Variants in MAP3K3 observed in about 807,000 individuals in gnomAD.
MAP3K3 encodes MAP/ERK kinase kinase 3.
In MAP3K3, 12 loss-of-function variants were observed where a neutral mutation model predicts 80.9. The observed-to-expected ratio is 0.15, with a 90% confidence interval of 0.10 to 0.24. The LOEUF (loss-of-function observed/expected upper bound fraction) is 0.24, where lower values mean the gene tolerates loss of function less well. Among genes scored for constraint, MAP3K3 ranks in the 10% least tolerant of loss-of-function variants. The probability of loss-of-function intolerance (pLI) is 1.00; values close to 1 mark genes in which losing one functional copy is unlikely to be tolerated. For missense variants in MAP3K3, 596 were observed against 834.7 expected, an observed-to-expected ratio of 0.71 and a Z score of 3.52; for synonymous variants, 272 against 307.1, an observed-to-expected ratio of 0.89 and a Z score of 1.19.
At chr17:63,633,915 G>C (rs1276217185) in intron 2 of MAP3K3, among the ~76,000 whole-genome samples, 1 of 152,182 alleles carries the variant, frequency 6.6e-6, no homozygotes, top group African/African-American at 2.4e-5. Flanking sequence ...CCTAGAGATA[G>C]TATAAGGCCC....
chr17:63,685,394 G>A (rs2035427397), intron 7 of MAP3K3, 123 bp from the exon 8 acceptor site: 3 of 766,994 alleles, frequency 3.9e-6, no homozygotes, highest in Non-Finnish European at 7.1e-6. Context: ...ATTGCATGGG[G>A]AGAAAAAGGA....
Position 63,692,231 on chromosome 17 carries a change from T to C in MAP3K3, c.1475-11T>C, listed in dbSNP as rs2143637574. The C allele has an allele frequency of 6.2e-7, 1 of 1,613,626 alleles. No individual in the cohort carries two copies. The highest frequency in any genetic ancestry group is 1.3e-5 in the African/African-American group (1 of 74,950). ...GTCCAGGGTTGCAGCCTCTGCCCTT[T>C]CATGCCTCAGGAGCCAACATCCTCC... is the stretch of plus-strand genomic sequence containing the variant. On this transcript the variant is annotated splice_polypyrimidine_tract_variant and intron_variant, in intron 14 of 15. Transcript: ENST00000361733. The surrounding 1 kb of genome is among the most constrained non-coding windows in gnomAD (Gnocchi z 4.5).
intron 6 of MAP3K3, among the ~76,000 whole-genome samples, chr17:63,680,671 CA>C (rs1291869186): frequency 1.3e-5 from 2 of 152,162 alleles, no homozygotes; most frequent in Non-Finnish European, 2.9e-5. Context: ...TAAGACTGCA[CA>C]CCTCTGTCAT....
At position 63,679,614 on chromosome 17, in the gene MAP3K3, C is replaced by T. The variant is rs540414457; in HGVS notation, c.503-2152C>T. ...CCTCCTGTCTCAGTCTTCCAAGTAG[C>T]TGGGTCCACAAGTGTGCGCCTGGCT... On this transcript the variant is annotated intron_variant, in intron 6 of 15. Transcript: ENST00000361733. 2.0e-5 allele frequency among the ~76,000 whole-genome samples: 3 copies of T among 152,262 alleles called. No homozygotes were observed. The East Asian group carries it at 5.8e-4, about 29-fold the overall frequency.
intron 6 of MAP3K3, among the ~76,000 whole-genome samples, chr17:63,675,116 A>G (rs938573511): frequency 6.6e-6 from 1 of 152,190 alleles, no homozygotes; most frequent in Non-Finnish European, 1.5e-5. Flanking sequence ...TGGTGGTAGC[A>G]GCTCCAAAAT....
intron 1 of MAP3K3, among the ~76,000 whole-genome samples, chr17:63,625,111 T>C (rs1401394884): frequency 6.6e-6 from 1 of 152,244 alleles, no homozygotes; most frequent in African/African-American, 2.4e-5. Context: ...AACTTGAGTC[T>C]CTGCCCTGCA....
chr17:63,635,852 G>A (rs1439794815), intron 2 of MAP3K3, among the ~76,000 whole-genome samples: 2 of 152,202 alleles, frequency 1.3e-5, no homozygotes, highest in Non-Finnish European at 2.9e-5. Flanking sequence ...AATTTAAATG[G>A]TGAAGAGTTG....
chr17:63,661,842 G>T (rs899634704), intron 5 of MAP3K3, among the ~76,000 whole-genome samples: 1 of 151,998 alleles, frequency 6.6e-6, no homozygotes, highest in Non-Finnish European at 1.5e-5. Flanking sequence ...GGTGGCTCAC[G>T]CCTGTAATCC....
At position 63,693,800 on chromosome 17, in the gene MAP3K3, C is replaced by T. The variant is rs747155622; in HGVS notation, c.*23C>T. The T allele has an allele frequency of 9.5e-6, 15 of 1,582,476 alleles. No homozygotes were observed. The highest frequency in any genetic ancestry group is 7.2e-5 in the Admixed American group (4 of 55,332). On this transcript the variant is annotated 3_prime_UTR_variant, in exon 16 of 16. Coordinates refer to ENST00000361733, the MANE Select transcript of MAP3K3 (RefSeq NM_002401.5). This position sits in a 1 kb window ranked among gnomAD's most constrained non-coding sequence, Gnocchi z 4.2. The stretch of plus-strand genomic sequence containing the variant: ...TGAGCTCTCACGGCCACACAGCTGC[C>T]GGTCGCCCTTTGCTGCATGGCAGGG...
intron 5 of MAP3K3, among the ~76,000 whole-genome samples, chr17:63,665,319 C>G (rs958707864): frequency 3.9e-5 from 6 of 151,970 alleles, no homozygotes; most frequent in South Asian, 4.2e-4. Context: ...GTGCCTGCCA[C>G]CACGCCCAGC....
rs1568159238 is a variant in MAP3K3, at chr17:63,694,517, T to G, written c.*740T>G. On this transcript the variant is annotated 3_prime_UTR_variant, in exon 16 of 16. Coordinates refer to ENST00000361733, the MANE Select transcript of MAP3K3 (RefSeq NM_002401.5). The stretch of plus-strand genomic sequence containing the variant: ...CTGTTTTACAAGTTGGAGTCACTCT[T>G]ATGCTGTACCCAGTTTCTAAACTGG... The G allele has an allele frequency of 6.5e-6, 1 of 152,704 alleles. No homozygotes were observed. The highest frequency in any genetic ancestry group is 1.5e-5 in the Non-Finnish European group (1 of 68,082). 9.5% of individuals were successfully genotyped at this position (152,704 alleles called of 1,614,324 possible). A position where few individuals can be genotyped will look rare whatever the true frequency, so the allele number is the denominator to read the frequency against.
chr17:63,690,519 T>G (rs1389000138), intron 12 of MAP3K3, 107 bp downstream of exon 12: 2 of 1,250,702 alleles, frequency 1.6e-6, no homozygotes, highest in Admixed American at 2.1e-5. Flanking sequence ...TCCTCTGTCA[T>G]TCTTCCCAAA....
At chr17:63,646,144 G>A (rs1211681186) in intron 3 of MAP3K3, 70 bp downstream of exon 3, 1 of 1,406,354 alleles carries the variant, frequency 7.1e-7, no homozygotes, top group Non-Finnish European at 1.0e-6. Flanking sequence ...TGAGTTCATG[G>A]AAGTCATTCC....
chr17:63,650,784 T>C (rs2034639696), intron 3 of MAP3K3, among the ~76,000 whole-genome samples: 1 of 149,668 alleles, frequency 6.7e-6, no homozygotes, highest in African/African-American at 2.5e-5. Context: ...CCTGATCTCC[T>C]GGGCTCAAGT....
intron 8 of MAP3K3, among the ~76,000 whole-genome samples, chr17:63,687,141 G>A (rs1027726036): frequency 9.2e-5 from 14 of 151,700 alleles, no homozygotes; most frequent in African/African-American, 3.1e-4. Context: ...TGAGGCACGC[G>A]GATCACCTGA....
At chr17:63,648,794 GA>G (rs2034591336) in intron 3 of MAP3K3, among the ~76,000 whole-genome samples, 1 of 152,040 alleles carries the variant, frequency 6.6e-6, no homozygotes, top group Non-Finnish European at 1.5e-5. Flanking sequence ...CAGCCTGGGG[GA>G]CAGAGCGAGA....
At chr17:63,663,478 G>C (rs2143436773) in intron 5 of MAP3K3, among the ~76,000 whole-genome samples, 1 of 151,890 alleles carries the variant, frequency 6.6e-6, no homozygotes, top group African/African-American at 2.4e-5. Flanking sequence ...CTCCAGCCTG[G>C]GCGATGAGCG....
rs1404932877 is a variant in MAP3K3 at position 63,685,627 on chromosome 17, G to T, written c.710+37G>T. The T allele has an allele frequency of 1.9e-6, 3 of 1,570,428 alleles. No individual in the cohort carries two copies. The Admixed American group carries it at 5.0e-5, about 26-fold the overall frequency. On this transcript the variant is annotated intron_variant, in intron 8 of 15. Transcript: ENST00000361733. ...TGGGTGGTTTGGAGGGTAATGCATA[G>T]GCATTTTTGGAATTGATGGGTTGAG... is the stretch of plus-strand genomic sequence containing the variant.
intron 2 of MAP3K3, among the ~76,000 whole-genome samples, chr17:63,642,597 G>A (rs1265818353): frequency 6.6e-6 from 1 of 152,122 alleles, no homozygotes; most frequent in African/African-American, 2.4e-5. Context: ...GACAGAGGCT[G>A]CAGTGAGCCG....
Sources: allele counts gnomAD v4.1 joint callset (sites outside exome capture counted in the v4.1 genomes callset), GRCh38; gene constraint gnomAD v4.1.1; non-coding constraint Gnocchi (gnomAD v3.1); transcripts MANE v1.5; gene names NCBI Gene and HGNC (gene_info 2026-07-23, HGNC 2026-07-21).